The following PAQR8 variants were observed in gnomAD, a reference collection of about 807,000 sequenced individuals.
The protein encoded by PAQR8 is progestin and adipoQ receptor family member 8.
In PAQR8, 17 loss-of-function variants were observed where a neutral mutation model predicts 25.2. The ratio of observed to expected loss-of-function variants is 0.67; its 90% CI spans 0.46 to 1.01. The LOEUF (loss-of-function observed/expected upper bound fraction) is 1.01. PAQR8 is among the 50% of genes least tolerant of loss of function. The pLI, the probability that PAQR8 is intolerant of heterozygous loss-of-function variation, is 0.00. For synonymous variants in PAQR8, 204 were observed against 190.6 expected (o/e 1.07, Z -0.58); for missense variants, 392 against 448.4 (o/e 0.87, Z 1.14).
At chr6:52,396,917 G>A (rs371361657) in intron 1 of PAQR8, among the ~76,000 whole-genome samples, 8 of 152,162 alleles carry the variant, frequency 5.3e-5, no homozygotes, top group African/African-American at 1.9e-4. Flanking sequence ...TCTGGTTGGA[G>A]GCAAATTTGG....
intron 1 of PAQR8, among the ~76,000 whole-genome samples, chr6:52,394,153 T>A (rs6914069): frequency 0.64 from 96,985 of 151,912 alleles, 31,558 homozygotes; most frequent in Admixed American, 0.71. Context: ...GATGGAGGAG[T>A]TGGCCAGGAG....
chr6:52,373,050 C>T (rs1272033430), intron 1 of PAQR8, among the ~76,000 whole-genome samples: 3 of 152,190 alleles, frequency 2.0e-5, no homozygotes, highest in Non-Finnish European at 4.4e-5. Flanking sequence ...TACATGGTTG[C>T]TACCAGACCC....
chr6:52,377,490 G>A (rs1763498543), intron 1 of PAQR8, among the ~76,000 whole-genome samples: 1 of 152,044 alleles, frequency 6.6e-6, no homozygotes, highest in Non-Finnish European at 1.5e-5. Context: ...ATTAATAACT[G>A]TATCTGCTAC....
At chr6:52,381,907 TAAC>T (rs1763565157) in intron 1 of PAQR8, among the ~76,000 whole-genome samples, 1 of 152,146 alleles carries the variant, frequency 6.6e-6, no homozygotes, top group African/African-American at 2.4e-5. Context: ...ACATAAATAA[TAAC>T]ACATGAGAAT....
In PAQR8 at chr6:52,406,240, A is replaced by C; in HGVS notation, c.*1962A>C. 2.7e-6 allele frequency: 1 copy of C among 371,936 alleles called. No homozygotes were observed. The highest frequency in any genetic ancestry group is 5.0e-6 in the Non-Finnish European group (1 of 201,166). The allele number at this position is 371,936 out of a possible 1,614,324, so 23.0% of individuals were successfully genotyped here. On this transcript the variant is annotated 3_prime_UTR_variant, in exon 2 of 2. Transcript: ENST00000442253. ...TAAAATAGGGACTAGAAATTATTTG[A>C]AGTTTTCTTTATTACGGATTCAAAG... is the stretch of plus-strand genomic sequence containing the variant.
rs1156812989 is a variant in PAQR8, at chr6:52,362,325, C to G, written c.-53+76C>G. 1.3e-5 allele frequency: 2 copies of G among 152,324 alleles called. No individual in the cohort carries two copies. Among genetic ancestry groups the G allele is most frequent in the Non-Finnish European group, 2.9e-5 (2 of 68,088 alleles). The allele number at this position is 152,324 out of a possible 1,614,324, so 9.4% of individuals were successfully genotyped here. A position where few individuals can be genotyped will look rare whatever the true frequency, so the allele number is the denominator to read the frequency against. ...CGCGAGGTCGGGGAGCCCCGGGGCCCGAGCTCGGGAGGCGGGGACGTCAGG... is the reference window on the plus strand; with the variant it reads ...CGCGAGGTCGGGGAGCCCCGGGGCCGGAGCTCGGGAGGCGGGGACGTCAGG... On this transcript the variant is annotated intron_variant, in intron 1 of 1. Transcript: ENST00000442253. This position sits in a 1 kb window ranked among gnomAD's most constrained non-coding sequence, Gnocchi z 4.1.
chr6:52,402,000 T>C (rs1265671939), intron 1 of PAQR8, among the ~76,000 whole-genome samples: 1 of 152,262 alleles, frequency 6.6e-6, no homozygotes, highest in Non-Finnish European at 1.5e-5. Context: ...CACTAAATTA[T>C]GTTAGGGTAG....
rs192693244 is a variant in PAQR8 at position 52,406,602 on chromosome 6, G to A, written c.*2324G>A. 1.4e-4 allele frequency: 56 copies of A among 411,486 alleles called. No homozygotes were observed. The highest frequency in any genetic ancestry group is 7.8e-4 in the African/African-American group (38 of 48,602). The allele number at this position is 411,486 out of a possible 1,614,324, so 25.5% of individuals were successfully genotyped here. A position where few individuals can be genotyped will look rare whatever the true frequency, so the allele number is the denominator to read the frequency against. Reference sequence around the variant, plus strand: ...TTCTGAGACAGGGTCTTACTCTGTCGCCCAGGCTGGAGTGCAGTGATGCAA... The same window carrying A: ...TTCTGAGACAGGGTCTTACTCTGTCACCCAGGCTGGAGTGCAGTGATGCAA... On this transcript the variant is annotated 3_prime_UTR_variant, in exon 2 of 2. Coordinates refer to ENST00000442253, the MANE Select transcript of PAQR8 (RefSeq NM_133367.5).
chr6:52,393,333 C>CTTTTTTTTTTTTT (rs35079265), intron 1 of PAQR8, among the ~76,000 whole-genome samples: 4 of 111,176 alleles, frequency 3.6e-5, no homozygotes, highest in Non-Finnish European at 5.2e-5. Context: ...CTTTCTCTCT[C>CTTTTTTTTTTTTT]TTTTTTTTTT....
intron 1 of PAQR8, among the ~76,000 whole-genome samples, chr6:52,372,907 A>G (rs1467711864): frequency 2.0e-5 from 3 of 152,096 alleles, no homozygotes; most frequent in Admixed American, 6.6e-5. Flanking sequence ...CTATATCCCT[A>G]TTTGACAGAT....
intron 1 of PAQR8, among the ~76,000 whole-genome samples, chr6:52,377,327 GTTTAT>G (rs1265493190): frequency 1.3e-5 from 2 of 151,974 alleles, no homozygotes; most frequent in Non-Finnish European, 2.9e-5. Context: ...AAGGATTGTG[GTTTAT>G]TTTAAGTATA....
At chr6:52,402,073 T>C (rs1047441605) in intron 1 of PAQR8, among the ~76,000 whole-genome samples, 1 of 152,166 alleles carries the variant, frequency 6.6e-6, no homozygotes, top group Non-Finnish European at 1.5e-5. Context: ...ACATAGAATA[T>C]TGGGACAGGC....
At chr6:52,398,554 T>TTTC (rs1284416995) in intron 1 of PAQR8, among the ~76,000 whole-genome samples, 6 of 63,948 alleles carry the variant, frequency 9.4e-5, no homozygotes, top group South Asian at 4.5e-4. Flanking sequence ...ATTTAAGTCC[T>TTTC]TTCTTGTTGT....
chr6:52,364,086 T>TTTTTTTTTG lies in PAQR8; in HGVS notation c.-53+1845_-53+1846insGTTTTTTTT, dbSNP rs1304113535. On this transcript the variant is annotated intron_variant, in intron 1 of 1. Coordinates refer to ENST00000442253, the MANE Select transcript of PAQR8 (RefSeq NM_133367.5). ...GGATATATCCATTGAAAGATATGTT[T>TTTTTTTTTG]TTTTTTTTTTTTTTTTTGCGGGTGT... Among the ~76,000 whole-genome samples the TTTTTTTTTG allele has an allele frequency of 6.8e-5, 9 of 133,296 alleles. 1 individual carries two copies. The highest frequency in any genetic ancestry group is 4.8e-4 in the South Asian group (2 of 4,198). The allele number at this position is 133,296 out of a possible 152,430, so 87.4% of individuals were successfully genotyped here. A position where few individuals can be genotyped will look rare whatever the true frequency, so the allele number is the denominator to read the frequency against.
chr6:52,386,208 G>A (rs1364403982), intron 1 of PAQR8, among the ~76,000 whole-genome samples: 2 of 152,094 alleles, frequency 1.3e-5, no homozygotes, highest in African/African-American at 2.4e-5. Flanking sequence ...AGGTGTTGGT[G>A]AGGCTGCAGA....
chr6:52,383,565 G>A (rs990367325), intron 1 of PAQR8, among the ~76,000 whole-genome samples: 1 of 150,764 alleles, frequency 6.6e-6, no homozygotes, highest in Admixed American at 6.6e-5. Flanking sequence ...GGAGGCTGAG[G>A]CAGGAGAATG....
Position 52,403,989 on chromosome 6 carries a change from C to G in PAQR8, c.776C>G (p.Ala259Gly). 1 of 1,614,226 alleles carries G rather than the reference C, an allele frequency of 6.2e-7. No homozygotes were observed. Among genetic ancestry groups the G allele is most frequent in the Non-Finnish European group, 8.5e-7 (1 of 1,180,042 alleles). The change falls in exon 2 of 2, where the codon GCT becomes GGT. Residue 259 changes from alanine to glycine, a missense_variant. Transcript: ENST00000442253. ...TLQILFFLVS[A>G]YFFSCPVPEK... Reference sequence around the variant, plus strand: ...CAGATCCTCTTCTTCCTGGTTAGCGCTTATTTCTTCTCCTGCCCCGTGCCT... The same window carrying G: ...CAGATCCTCTTCTTCCTGGTTAGCGGTTATTTCTTCTCCTGCCCCGTGCCT...
intron 1 of PAQR8, among the ~76,000 whole-genome samples, chr6:52,392,029 C>T (rs1270189219): frequency 1.3e-5 from 2 of 152,152 alleles, no homozygotes; most frequent in African/African-American, 2.4e-5. Flanking sequence ...ATTACACCCC[C>T]ATCTTAAGGA....
chr6:52,396,135 G>A (rs1447240350), intron 1 of PAQR8, among the ~76,000 whole-genome samples: 1 of 152,192 alleles, frequency 6.6e-6, no homozygotes, highest in South Asian at 2.1e-4. Flanking sequence ...GTGGCTAATG[G>A]GAAAGTAAGT....
Sources: gnomAD v4.1 joint callset for allele counts (sites outside exome capture counted in the v4.1 genomes callset) on GRCh38, gnomAD v4.1.1 for gene constraint, Gnocchi (gnomAD v3.1) non-coding constraint, MANE v1.5 for transcripts, NCBI Gene and HGNC (gene_info 2026-07-23, HGNC 2026-07-21) for gene names.